GALNT13: variants seen among roughly 807,000 people sequenced by gnomAD.
GALNT13 encodes polypeptide N-acetylgalactosaminyltransferase 13, also known as UDP-GalNAc:polypeptide N-acetylgalactosaminyltransferase 13.
GALNT13 carries 28 observed loss-of-function variants against 64.2 expected under a neutral mutation model. The ratio of observed to expected loss-of-function variants is 0.44; its 90% confidence interval spans 0.32 to 0.60. GALNT13 has a LOEUF of 0.60. Among genes scored for constraint, GALNT13 ranks in the 20% least tolerant of loss-of-function variants. The pLI, the probability that GALNT13 is intolerant of heterozygous loss-of-function variation, is 0.05. For missense variants in GALNT13, 577 were observed against 669.8 expected (o/e 0.86, Z 1.53); for synonymous variants, 214 against 224.6 (o/e 0.95, Z 0.42).
intron 3 of GALNT13, among the ~76,000 whole-genome samples, chr2:154,114,465 A>C (rs1703168155): frequency 6.6e-6 from 1 of 152,204 alleles, no homozygotes; most frequent in Non-Finnish European, 1.5e-5. Flanking sequence ...AATCAATGTC[A>C]GCTCAGAGCC....
chr2:153,714,940 A>G, the GALNT13 span, among the ~76,000 whole-genome samples: 2 of 152,204 alleles, frequency 1.3e-5, no homozygotes, highest in African/African-American at 4.8e-5. Flanking sequence ...TTGAGAGCTA[A>G]TTAAAATTCA....
the GALNT13 span, chr2:153,420,997 TG>T: frequency 5.8e-6 from 1 of 172,136 alleles, no homozygotes; most frequent in East Asian, 1.8e-4. Flanking sequence ...AACTGGATGG[TG>T]CATTTGGTCT....
chr2:153,673,472 A>G, the GALNT13 span, among the ~76,000 whole-genome samples: 1 of 152,218 alleles, frequency 6.6e-6, no homozygotes, highest in Admixed American at 6.5e-5. Flanking sequence ...TGATTATCTC[A>G]ATAGATGCAG....
chr2:154,295,116 C>G (rs1692840162), intron 8 of GALNT13, among the ~76,000 whole-genome samples: 1 of 152,128 alleles, frequency 6.6e-6, no homozygotes, highest in Admixed American at 6.5e-5. Flanking sequence ...AACCATAGTG[C>G]TAATCCATAT....
the GALNT13 span, among the ~76,000 whole-genome samples, chr2:153,847,249 G>A: frequency 2.0e-5 from 3 of 151,812 alleles, no homozygotes; most frequent in Non-Finnish European, 4.4e-5. Context: ...AAATTATATA[G>A]AAAGAATTAC....
the GALNT13 span, among the ~76,000 whole-genome samples, chr2:153,661,347 G>A: frequency 6.6e-6 from 1 of 151,932 alleles, no homozygotes; most frequent in Non-Finnish European, 1.5e-5. Context: ...AAAATCACTG[G>A]GACCTGAAGA....
chr2:153,568,549 T>C, the GALNT13 span, among the ~76,000 whole-genome samples: 1 of 152,220 alleles, frequency 6.6e-6, no homozygotes. Context: ...TCCTCTACAA[T>C]AGTACAATTT....
At chr2:154,324,115 C>G (rs2105171396) in intron 9 of GALNT13, among the ~76,000 whole-genome samples, 1 of 152,160 alleles carries the variant, frequency 6.6e-6, no homozygotes, top group South Asian at 2.1e-4. Context: ...CCACTCTTTT[C>G]CCACACCTTG....
intron 3 of GALNT13, among the ~76,000 whole-genome samples, chr2:154,131,700 G>A (rs940930749): frequency 2.6e-5 from 4 of 152,150 alleles, no homozygotes; most frequent in South Asian, 2.1e-4. Flanking sequence ...GAAGGACAGC[G>A]TTAATAGGAT....
intron 1 of GALNT13, among the ~76,000 whole-genome samples, chr2:153,889,607 C>A (rs1251147001): frequency 6.6e-6 from 1 of 152,120 alleles, no homozygotes; most frequent in Admixed American, 6.6e-5. Flanking sequence ...TACCGATGCA[C>A]TTTTATTTGG....
intron 11 of GALNT13, among the ~76,000 whole-genome samples, chr2:154,409,565 T>C (rs978871866): frequency 6.6e-6 from 1 of 152,012 alleles, no homozygotes; most frequent in Non-Finnish European, 1.5e-5. Context: ...GCCTTTCTTG[T>C]GTGTGACAAG....
intron 3 of GALNT13, among the ~76,000 whole-genome samples, chr2:154,106,302 T>C (rs1702612534): frequency 6.6e-6 from 1 of 152,176 alleles, no homozygotes; most frequent in African/African-American, 2.4e-5. Context: ...AGAAGATTTT[T>C]AGTTTTGCAT....
intron 3 of GALNT13, among the ~76,000 whole-genome samples, chr2:153,982,717 T>C (rs902503432): frequency 2.6e-5 from 4 of 152,066 alleles, no homozygotes; most frequent in Admixed American, 2.6e-4. Flanking sequence ...TTTGGAGACA[T>C]GTTCAATAAT....
At chr2:153,726,312 C>G in the GALNT13 span, among the ~76,000 whole-genome samples, 1 of 152,040 alleles carries the variant, frequency 6.6e-6, no homozygotes, top group Non-Finnish European at 1.5e-5. Context: ...TAGTAACTCT[C>G]ATAGATGTGA....
At chr2:154,308,558 A>G (rs1312931018) in intron 9 of GALNT13, among the ~76,000 whole-genome samples, 1 of 152,166 alleles carries the variant, frequency 6.6e-6, no homozygotes, top group African/African-American at 2.4e-5. Context: ...TGCAGTGTGA[A>G]TATTTTTGTA....
At chr2:153,609,584 T>C in the GALNT13 span, among the ~76,000 whole-genome samples, 1 of 152,154 alleles carries the variant, frequency 6.6e-6, no homozygotes, top group Non-Finnish European at 1.5e-5. Flanking sequence ...CCCCAAATCC[T>C]TTCCTCTTGA....
the GALNT13 span, among the ~76,000 whole-genome samples, chr2:153,121,740 G>T: frequency 6.6e-6 from 1 of 152,030 alleles, no homozygotes; most frequent in Non-Finnish European, 1.5e-5. Context: ...CACCATGTTG[G>T]CCAGGATGGT....
At chr2:153,945,609 T>C (rs1189623088) in intron 3 of GALNT13, among the ~76,000 whole-genome samples, 1 of 152,180 alleles carries the variant, frequency 6.6e-6, no homozygotes, top group Non-Finnish European at 1.5e-5. Flanking sequence ...CTTTTAATGT[T>C]ATACATATTT....
chr2:153,226,439 T>C, the GALNT13 span, among the ~76,000 whole-genome samples: 6 of 151,608 alleles, frequency 4.0e-5, no homozygotes, highest in East Asian at 1.2e-3. Flanking sequence ...CACTTCAGAG[T>C]GGAGGAATCT....
Sources: gnomAD v4.1 joint callset for allele counts (sites outside exome capture counted in the v4.1 genomes callset) on GRCh38, gnomAD v4.1.1 for gene constraint, MANE v1.5 for transcripts, NCBI Gene and HGNC (gene_info 2026-07-23, HGNC 2026-07-21) for gene names.